The following FBLN5 variants were observed in gnomAD, a reference collection of about 807,000 sequenced individuals.
FBLN5 encodes the protein fibulin-5.
A neutral mutation model predicts 61.6 loss-of-function variants in FBLN5; 24 were observed. That is an observed-to-expected ratio of 0.39 (90% confidence interval 0.28 to 0.55). The LOEUF (loss-of-function observed/expected upper bound fraction) is 0.55. Among genes scored for constraint, FBLN5 ranks in the 20% least tolerant of loss-of-function variants. The pLI is 0.65. For missense variants in FBLN5, 470 were observed against 594.1 expected, an observed-to-expected ratio of 0.79 and a Z score of 2.17; for synonymous variants, 213 against 219.8, an observed-to-expected ratio of 0.97 and a Z score of 0.27.
In FBLN5 at chr14:91,947,446, G is replaced by A; in HGVS notation, c.-217C>T. ...CAGCGCAAGCACCTGGTTTTGCTTA[G>A]CCCTCTTCAGTAATTCAGCATTAAA... On this transcript the variant is annotated 5_prime_UTR_variant, in exon 1 of 11. Coordinates refer to ENST00000342058, the MANE Select transcript of FBLN5 (RefSeq NM_006329.4). This position sits in a 1 kb window ranked among gnomAD's most constrained non-coding sequence, Gnocchi z 4.3. 1 of 630,154 alleles carries A rather than the reference G, an allele frequency of 1.6e-6. No individual in the cohort carries two copies. 39.0% of individuals were successfully genotyped at this position (630,154 alleles called of 1,614,324 possible). A position where few individuals can be genotyped will look rare whatever the true frequency, so the allele number is the denominator to read the frequency against.
chr14:91,869,988 AG>A lies in FBLN5; in HGVS notation c.*235del. 1 of 547,530 alleles carries A rather than the reference AG, an allele frequency of 1.8e-6. No individual in the cohort carries two copies. Among genetic ancestry groups the A allele is most frequent in the Non-Finnish European group, 3.3e-6 (1 of 301,776 alleles). 33.9% of individuals were successfully genotyped at this position (547,530 alleles called of 1,614,324 possible). On this transcript the variant is annotated 3_prime_UTR_variant, in exon 11 of 11. Coordinates refer to ENST00000342058, the MANE Select transcript of FBLN5 (RefSeq NM_006329.4). Reference sequence around the variant, plus strand: ...TTCACCAACAATCTTCTATCAGGGGAGCAATGATAATACTTTTTGATAACTG... The same window carrying A: ...TTCACCAACAATCTTCTATCAGGGGACAATGATAATACTTTTTGATAACTG...
intron 4 of FBLN5, among the ~76,000 whole-genome samples, chr14:91,898,316 G>A (rs1004309875): frequency 2.6e-5 from 4 of 152,026 alleles, no homozygotes; most frequent in African/African-American, 9.7e-5. Flanking sequence ...CACATGAACG[G>A]CAAACATCAA....
At chr14:91,932,860 G>A (rs1415304796) in intron 4 of FBLN5, among the ~76,000 whole-genome samples, 1 of 152,242 alleles carries the variant, frequency 6.6e-6, no homozygotes, top group Non-Finnish European at 1.5e-5. Context: ...TAAGAGACTT[G>A]TCAACCAATG....
chr14:91,919,345 AAAAAAGAAAAGAAAAG>A (rs750221251), intron 4 of FBLN5, among the ~76,000 whole-genome samples: 31 of 113,242 alleles, frequency 2.7e-4, no homozygotes, highest in African/African-American at 7.4e-4. Context: ...AAAAGAAAAA[AAAAAAGAAAAGAAAAG>A]AAAAGAAAAG....
rs766328723 is a variant in FBLN5 at position 91,937,029 on chromosome 14, G to A, written c.297C>T (p.Leu99=). The change falls in exon 4 of 11, where the codon CTC becomes CTT. Residue 99 remains leucine, a synonymous_variant. Coordinates refer to ENST00000342058, the MANE Select transcript of FBLN5 (RefSeq NM_006329.4). ...AGATCGTGGGATAGTTTGGAGCTGA[G>A]AGTGGTGGGGCAGCTGCTGGGTACG... ...SGPYPAAAPP[L]SAPNYPTISR... is the part of the protein sequence containing the mutation. 2 of 1,614,204 alleles carry A rather than the reference G, an allele frequency of 1.2e-6. No individual in the cohort carries two copies. The highest frequency in any genetic ancestry group is 2.2e-5 in the East Asian group (1 of 44,888).
chr14:91,931,835 C>T (rs373575808), intron 4 of FBLN5, among the ~76,000 whole-genome samples: 6 of 152,162 alleles, frequency 3.9e-5, no homozygotes, highest in East Asian at 3.9e-4. Context: ...TTAGAGGCAG[C>T]GTGCCATGAG....
At chr14:91,944,610 T>A (rs577503320) in intron 1 of FBLN5, among the ~76,000 whole-genome samples, 1 of 152,322 alleles carries the variant, frequency 6.6e-6, no homozygotes, top group East Asian at 1.9e-4. Context: ...GGAATAGTAT[T>A]CAGTCTTAAA....
At chr14:91,873,813 T>G (rs1342052550) in intron 10 of FBLN5, 1 of 152,246 alleles carries the variant, frequency 6.6e-6, no homozygotes, top group Non-Finnish European at 1.5e-5. Flanking sequence ...CTAATCAACT[T>G]GTGGGATGGC....
chr14:91,887,125 C>G (rs1298886774), intron 7 of FBLN5, 68 bp downstream of exon 7: 3 of 1,560,210 alleles, frequency 1.9e-6, no homozygotes, highest in Non-Finnish European at 2.6e-6. Context: ...ATGAAGGAAG[C>G]CCTTGCCCTT....
At chr14:91,892,171 C>G (rs1380608088) in intron 5 of FBLN5, among the ~76,000 whole-genome samples, 3 of 152,188 alleles carry the variant, frequency 2.0e-5, no homozygotes, top group Non-Finnish European at 4.4e-5. Flanking sequence ...CTTCTCAACA[C>G]CCCAAGCTGA....
chr14:91,940,549 C>T lies in FBLN5; in HGVS notation c.124+16G>A. 1.9e-6 allele frequency: 3 copies of T among 1,610,358 alleles called. No homozygotes were observed. Among genetic ancestry groups the T allele is most frequent in the Non-Finnish European group, 2.5e-6 (3 of 1,176,886 alleles). On this transcript the variant is annotated intron_variant, in intron 3 of 10. Transcript: ENST00000342058. Reference sequence around the variant, plus strand: ...GAATGCCTCCACCCCAATGAAGGATCCACAGTGGCTCATACCTAAACACTG... The same window carrying T: ...GAATGCCTCCACCCCAATGAAGGATTCACAGTGGCTCATACCTAAACACTG...
At position 91,877,542 on chromosome 14, in the gene FBLN5, G is replaced by A. The variant is rs1889226797; in HGVS notation, c.1130C>T (p.Ala377Val). ...AGATTTGATCTGGAAAATGTAATAG[G>A]CCCCAGGGTAGCGGGTCGTGGCTTG... Reference protein sequence around the residue: ...QMQATTRYPGAYYIFQIKSGN... With the variant: ...QMQATTRYPGVYYIFQIKSGN... The change falls in exon 10 of 11, where the codon GCC becomes GTC. Residue 377 changes from alanine (A) to valine (V), a missense_variant. Coordinates refer to ENST00000342058, the MANE Select transcript of FBLN5 (RefSeq NM_006329.4). 1 of 1,614,096 alleles carries A rather than the reference G, an allele frequency of 6.2e-7. No individual in the cohort carries two copies. The highest frequency in any genetic ancestry group is 8.5e-7 in the Non-Finnish European group (1 of 1,180,008).
intron 10 of FBLN5, among the ~76,000 whole-genome samples, chr14:91,875,452 AGGTTTGGAG>A (rs1889122112): frequency 6.6e-6 from 1 of 152,148 alleles, no homozygotes; most frequent in African/African-American, 2.4e-5. Flanking sequence ...AGGGGCTGAG[AGGTTTGGAG>A]TAGCAGGTGA....
intron 5 of FBLN5, among the ~76,000 whole-genome samples, chr14:91,893,747 A>T (rs1275553525): frequency 6.6e-6 from 1 of 152,266 alleles, no homozygotes; most frequent in Admixed American, 6.5e-5. Flanking sequence ...AAACAGAAAG[A>T]TCAGAGAGCA....
intron 4 of FBLN5, among the ~76,000 whole-genome samples, chr14:91,919,503 G>A (rs1461980873): frequency 6.6e-6 from 1 of 152,034 alleles, no homozygotes; most frequent in East Asian, 1.9e-4. Flanking sequence ...GTGTTATAGG[G>A]TGAATCGTGT....
intron 4 of FBLN5, among the ~76,000 whole-genome samples, chr14:91,901,723 T>C (rs1890459761): frequency 6.6e-6 from 1 of 152,242 alleles, no homozygotes; most frequent in South Asian, 2.1e-4. Context: ...TCCATGTGTC[T>C]TACGGTCCTG....
rs970923393 is a variant in FBLN5, at chr14:91,943,797, C to T, written c.18-836G>A. On this transcript the variant is annotated intron_variant, in intron 1 of 10. Coordinates refer to ENST00000342058, the MANE Select transcript of FBLN5 (RefSeq NM_006329.4). This position sits in a 1 kb window ranked among gnomAD's most constrained non-coding sequence, Gnocchi z 4.0. Reference sequence around the variant, plus strand: ...AGTGGATGGGTTGGGGTGGCCCTGTCCCCTGAAGAGTGTGGCCTGCGGGAA... The same window carrying T: ...AGTGGATGGGTTGGGGTGGCCCTGTTCCCTGAAGAGTGTGGCCTGCGGGAA... Among the ~76,000 whole-genome samples, 1 of 152,132 alleles carries T rather than the reference C, an allele frequency of 6.6e-6. No homozygotes were observed. Among genetic ancestry groups the T allele is most frequent in the East Asian group, 1.9e-4 (1 of 5,180 alleles).
At chr14:91,880,576 C>T (rs1343104547) in intron 9 of FBLN5, among the ~76,000 whole-genome samples, 3 of 151,706 alleles carry the variant, frequency 2.0e-5, no homozygotes, top group Admixed American at 2.0e-4. Flanking sequence ...GAGACAGAGT[C>T]TCACTCTGTC....
At chr14:91,872,669 A>C (rs1688758377) in intron 10 of FBLN5, among the ~76,000 whole-genome samples, 1 of 152,144 alleles carries the variant, frequency 6.6e-6, no homozygotes, top group African/African-American at 2.4e-5. Context: ...ACAGCCACAC[A>C]ATTTCCTCTT....
Sources: allele counts gnomAD v4.1 joint callset (sites outside exome capture counted in the v4.1 genomes callset), GRCh38; gene constraint gnomAD v4.1.1; non-coding constraint Gnocchi (gnomAD v3.1); transcripts MANE v1.5; gene names NCBI Gene and HGNC (gene_info 2026-07-23, HGNC 2026-07-21).